The following SKAP1 variants were observed in gnomAD, a reference collection of about 807,000 sequenced individuals.
SKAP1 encodes src kinase associated phosphoprotein 1.
A neutral mutation model predicts 58.5 loss-of-function variants in SKAP1; 44 were observed. The observed-to-expected ratio is 0.75, with a 90% CI of 0.59 to 0.97. The LOEUF (loss-of-function observed/expected upper bound fraction) is 0.97. SKAP1 is among the 50% of genes least tolerant of loss of function. The pLI is 0.00. For synonymous variants in SKAP1, 127 were observed against 149.7 expected (o/e 0.85, Z 1.11); for missense variants, 390 against 435.2 (o/e 0.90, Z 0.92).
chr17:48,190,436 A>G (rs947746730), intron 4 of SKAP1, among the ~76,000 whole-genome samples: 7 of 152,132 alleles, frequency 4.6e-5, no homozygotes, highest in Non-Finnish European at 7.3e-5. Flanking sequence ...TTTTGTGGAT[A>G]TAAGTTCCAA....
At chr17:48,223,063 CAA>C (rs71141973) in intron 4 of SKAP1, among the ~76,000 whole-genome samples, 238 of 70,102 alleles carry the variant, frequency 3.4e-3, no homozygotes, top group African/African-American at 8.5e-3. Flanking sequence ...GACTCCGTCT[CAA>C]AAAAAAAAAA....
At chr17:48,341,512 T>C (rs1488932657) in intron 4 of SKAP1, among the ~76,000 whole-genome samples, 1 of 152,106 alleles carries the variant, frequency 6.6e-6, no homozygotes, top group Non-Finnish European at 1.5e-5. Flanking sequence ...AATAGCACTG[T>C]AAAAAAAGGG....
chr17:48,301,339 C>T (rs2066053583), intron 4 of SKAP1, among the ~76,000 whole-genome samples: 1 of 152,120 alleles, frequency 6.6e-6, no homozygotes. Context: ...AGCCCAATAT[C>T]CAACAAATTA....
chr17:48,151,627 C>T (rs756640556), intron 11 of SKAP1, among the ~76,000 whole-genome samples: 4 of 152,148 alleles, frequency 2.6e-5, no homozygotes, highest in African/African-American at 4.8e-5. Context: ...AACAATTATT[C>T]GGATGGGCTA....
intron 2 of SKAP1, among the ~76,000 whole-genome samples, chr17:48,367,331 A>G (rs1006724941): frequency 6.6e-6 from 1 of 151,972 alleles, no homozygotes; most frequent in Non-Finnish European, 1.5e-5. Flanking sequence ...TAAGATGAAT[A>G]AATTCTGAGG....
intron 10 of SKAP1, among the ~76,000 whole-genome samples, chr17:48,166,970 T>C (rs1158651382): frequency 6.6e-6 from 1 of 152,132 alleles, no homozygotes; most frequent in Non-Finnish European, 1.5e-5. Flanking sequence ...GCTCAAGCTA[T>C]CTTCCCCCTG....
At chr17:48,159,685 G>T (rs1201395147) in intron 11 of SKAP1, among the ~76,000 whole-genome samples, 1 of 152,194 alleles carries the variant, frequency 6.6e-6, no homozygotes, top group Non-Finnish European at 1.5e-5. Context: ...TAGACAGATG[G>T]CTGGGAATGG....
chr17:48,191,742 C>T (rs1428730846), intron 4 of SKAP1, among the ~76,000 whole-genome samples: 2 of 152,096 alleles, frequency 1.3e-5, no homozygotes, highest in Admixed American at 6.6e-5. Context: ...TCCAATTGGT[C>T]CTTATTGTTA....
chr17:48,367,845 G>A (rs2067029828), intron 2 of SKAP1, among the ~76,000 whole-genome samples: 1 of 150,604 alleles, frequency 6.6e-6, no homozygotes, highest in Non-Finnish European at 1.5e-5. Flanking sequence ...AACCCAGGAT[G>A]TTGAGGTTGC....
At chr17:48,204,933 C>T (rs1190828640) in intron 4 of SKAP1, among the ~76,000 whole-genome samples, 3 of 150,842 alleles carry the variant, frequency 2.0e-5, no homozygotes, top group Non-Finnish European at 4.4e-5. Flanking sequence ...TCCTTCCTTC[C>T]TTCCTTCCTC....
At chr17:48,394,650 T>C (rs1001633434) in intron 2 of SKAP1, among the ~76,000 whole-genome samples, 6 of 152,204 alleles carry the variant, frequency 3.9e-5, no homozygotes, top group Non-Finnish European at 8.8e-5. Flanking sequence ...CTGCCATACA[T>C]GTTTAACTCT....
intron 4 of SKAP1, among the ~76,000 whole-genome samples, chr17:48,276,763 G>T (rs561513999): frequency 3.3e-5 from 5 of 152,228 alleles, no homozygotes; most frequent in South Asian, 2.1e-4. Context: ...CACAACTGAG[G>T]TATCATCAGT....
chr17:48,437,115 C>T, the SKAP1 span, among the ~76,000 whole-genome samples: 2 of 152,328 alleles, frequency 1.3e-5, no homozygotes, highest in South Asian at 4.1e-4. Context: ...TCTCACACTA[C>T]TACTACTTTC....
At chr17:48,202,835 A>G (rs1387263903) in intron 4 of SKAP1, among the ~76,000 whole-genome samples, 1 of 152,258 alleles carries the variant, frequency 6.6e-6, no homozygotes, top group East Asian at 1.9e-4. Flanking sequence ...GTTACTATAG[A>G]GACCTATATT....
chr17:48,432,758 T>C (rs574478466), upstream of SKAP1, among the ~76,000 whole-genome samples: 68 of 152,278 alleles, frequency 4.5e-4, no homozygotes, highest in African/African-American at 1.5e-3. Context: ...AGAAGAAAAT[T>C]TGATAACCTC....
In SKAP1 at chr17:48,225,029, A is replaced by G. The variant is rs1457784355; in HGVS notation, c.281-35529T>C. Among the ~76,000 whole-genome samples, 5 of 152,260 alleles carry G rather than the reference A, an allele frequency of 3.3e-5. No individual in the cohort carries two copies. In the East Asian group the frequency reaches 9.6e-4, roughly 29 times the overall value. Reference sequence around the variant, plus strand: ...AGGACTACAAATAACTATAGGGGGCAGAAATTTAAAATTTAATAGAGAAGG... The same window carrying G: ...AGGACTACAAATAACTATAGGGGGCGGAAATTTAAAATTTAATAGAGAAGG... On this transcript the variant is annotated intron_variant, in intron 4 of 12. Coordinates refer to ENST00000336915, the MANE Select transcript of SKAP1 (RefSeq NM_003726.4).
chr17:48,402,648 T>C (rs760913798), intron 1 of SKAP1, among the ~76,000 whole-genome samples: 15 of 152,038 alleles, frequency 9.9e-5, no homozygotes, highest in Non-Finnish European at 2.1e-4. Context: ...TTATTCTTAA[T>C]AGCTAAAAAG....
At chr17:48,251,400 C>A (rs2065362043) in intron 4 of SKAP1, among the ~76,000 whole-genome samples, 1 of 152,166 alleles carries the variant, frequency 6.6e-6, no homozygotes, top group South Asian at 2.1e-4. Flanking sequence ...GTGAAAGTAG[C>A]ACCATTCACA....
chr17:48,304,985 G>T (rs2066116879), intron 4 of SKAP1, among the ~76,000 whole-genome samples: 2 of 152,146 alleles, frequency 1.3e-5, no homozygotes, highest in Admixed American at 1.3e-4. Flanking sequence ...TGTATATTGA[G>T]AGGCAATATA....
Sources: allele counts gnomAD v4.1 joint callset (sites outside exome capture counted in the v4.1 genomes callset), GRCh38; gene constraint gnomAD v4.1.1; transcripts MANE v1.5; gene names NCBI Gene and HGNC (gene_info 2026-07-23, HGNC 2026-07-21).